Variants in SPATA18 observed in about 807,000 individuals in gnomAD.
SPATA18 encodes the protein mitochondria-eating protein.
Under a neutral mutation model 68.1 loss-of-function variants are expected in SPATA18, and 54 were observed. That is an observed-to-expected ratio of 0.79 (90% CI 0.64 to 0.99). SPATA18 has a LOEUF of 0.99. Ranked by LOEUF, SPATA18 falls within the 50% of genes least tolerant of loss-of-function variation. SPATA18 has a pLI of 0.00. For missense variants in SPATA18, 724 were observed against 681.1 expected, an observed-to-expected ratio of 1.06 and a Z score of -0.70; for synonymous variants, 242 against 244.8, an observed-to-expected ratio of 0.99 and a Z score of 0.11.
chr4:52,055,162 A>G (rs1261862714), intron 1 of SPATA18, among the ~76,000 whole-genome samples: 5 of 152,282 alleles, frequency 3.3e-5, no homozygotes, highest in Middle Eastern at 6.8e-3. Flanking sequence ...TTATGTTAAT[A>G]ATGTTGGTGG....
chr4:52,061,487 AAATAATAAT>A (rs3050629), intron 3 of SPATA18, among the ~76,000 whole-genome samples: 115 of 143,536 alleles, frequency 8.0e-4, no homozygotes, highest in Admixed American at 3.2e-3. Context: ...CCTAAAGTAA[AAATAATAAT>A]AATAATAATA....
At chr4:52,061,012 T>A in intron 3 of SPATA18, 115 bp downstream of exon 3, 1 of 785,694 alleles carries the variant, frequency 1.3e-6, no homozygotes, top group South Asian at 1.7e-5. Context: ...TGTCACAATT[T>A]GTGATGGATA....
intron 1 of SPATA18, among the ~76,000 whole-genome samples, chr4:52,054,023 A>G (rs987482670): frequency 6.6e-6 from 1 of 152,232 alleles, no homozygotes; most frequent in Non-Finnish European, 1.5e-5. Context: ...CCACTCCAGC[A>G]GTACCAGCTT....
At chr4:52,054,887 T>C (rs1738204646) in intron 1 of SPATA18, among the ~76,000 whole-genome samples, 1 of 151,526 alleles carries the variant, frequency 6.6e-6, no homozygotes, top group Non-Finnish European at 1.5e-5. Flanking sequence ...AAAAACCTTT[T>C]GACAATTAGA....
At chr4:52,075,379 T>C (rs1230961167) in intron 6 of SPATA18, among the ~76,000 whole-genome samples, 1 of 152,204 alleles carries the variant, frequency 6.6e-6, no homozygotes, top group East Asian at 1.9e-4. Flanking sequence ...CCAATGGAAC[T>C]GTTTTTGTTT....
At position 52,094,817 on chromosome 4, in the gene SPATA18, G is replaced by T; in HGVS notation, c.1610-63G>T. On this transcript the variant is annotated intron_variant, in intron 12 of 12. Coordinates refer to ENST00000295213, the MANE Select transcript of SPATA18 (RefSeq NM_145263.4). ...TAGATTAACCGCCTCTTTCATTTAG[G>T]TGCTTCCAAAAGAAAATCGAAGAAA... 3.1e-6 allele frequency: 5 copies of T among 1,599,574 alleles called. No homozygotes were observed. In the South Asian group the frequency reaches 3.3e-5, roughly 11 times the overall value.
rs573112297 is a variant in SPATA18 at position 52,068,461 on chromosome 4, G to A, written c.423-1360G>A. ...ATGAGGTAAATGGGAATGGAGTGCC[G>A]AGAAGGGGAAACAAAGTTTTCTTGG... On this transcript the variant is annotated intron_variant, in intron 4 of 12. Transcript: ENST00000295213. Among the ~76,000 whole-genome samples, 7 of 152,316 alleles carry A rather than the reference G, an allele frequency of 4.6e-5. No homozygotes were observed. The South Asian group carries it at 8.3e-4, about 18-fold the overall frequency.
chr4:52,062,186 GTTTTT>G (rs34989037), intron 3 of SPATA18, 29 bp from the exon 4 acceptor site: 733 of 807,534 alleles, frequency 9.1e-4, no homozygotes, highest in South Asian at 1.3e-3. Context: ...TATTCAGACT[GTTTTT>G]TTTTTTTTTT....
intron 10 of SPATA18, among the ~76,000 whole-genome samples, chr4:52,083,660 G>T (rs1452707289): frequency 3.3e-5 from 5 of 151,956 alleles, no homozygotes; most frequent in Non-Finnish European, 7.4e-5. Context: ...AGGGAGGATT[G>T]CTTGAGCTGG....
rs1316112778 is a variant in SPATA18 at position 52,092,217 on chromosome 4, G to A, written c.1564-2310G>A. 2.6e-5 allele frequency among the ~76,000 whole-genome samples: 4 copies of A among 152,052 alleles called. No individual in the cohort carries two copies. In the East Asian group the frequency reaches 5.8e-4, roughly 22 times the overall value. On this transcript the variant is annotated intron_variant, in intron 11 of 12. Transcript: ENST00000295213. Reference sequence around the variant, plus strand: ...TTGCCCCCTTTCCAGGGAAGTGAACGGTTCTGTTTTGCTGGTGTTCCAGGC... The same window carrying A: ...TTGCCCCCTTTCCAGGGAAGTGAACAGTTCTGTTTTGCTGGTGTTCCAGGC...
chr4:52,060,002 A>G lies in SPATA18; in HGVS notation c.88-417A>G, dbSNP rs533195910. Among the ~76,000 whole-genome samples the G allele has an allele frequency of 3.3e-5, 5 of 152,320 alleles. No individual in the cohort carries two copies. The South Asian group carries it at 8.3e-4, about 25-fold the overall frequency. ...TACACACAAACCAACTTTCTCAACC[A>G]TGTGACAATTCAGTGCAAGCATTCA... On this transcript the variant is annotated intron_variant, in intron 1 of 12. Coordinates refer to ENST00000295213, the MANE Select transcript of SPATA18 (RefSeq NM_145263.4).
chr4:52,062,768 AAGCAGG>A (rs562056781), intron 4 of SPATA18, among the ~76,000 whole-genome samples: 2 of 152,336 alleles, frequency 1.3e-5, no homozygotes, highest in South Asian at 4.1e-4. Context: ...AAGTCAAATG[AAGCAGG>A]CTGCATCTAT....
intron 11 of SPATA18, among the ~76,000 whole-genome samples, chr4:52,092,611 C>T (rs1239377752): frequency 1.3e-5 from 2 of 152,182 alleles, no homozygotes; most frequent in South Asian, 2.1e-4. Flanking sequence ...TTGCCTTCTG[C>T]GTTGATCTTG....
At chr4:52,084,828 T>C (rs1233848588) in intron 10 of SPATA18, 88 bp from the exon 11 acceptor site, 16 of 1,280,216 alleles carry the variant, frequency 1.2e-5, no homozygotes, top group Admixed American at 3.5e-5. Flanking sequence ...GTAAAACTCT[T>C]ATTCTGTGGG....
At chr4:52,078,647 T>G in intron 7 of SPATA18, 88 bp from the exon 8 acceptor site, 2 of 1,253,048 alleles carry the variant, frequency 1.6e-6, no homozygotes, top group South Asian at 3.9e-5. Flanking sequence ...AATATGATGT[T>G]GAAGCTCGGA....
Position 52,062,237 on chromosome 4 carries a change from G to C in SPATA18, c.327G>C (p.Glu109Asp), listed in dbSNP as rs773568391. The change falls in exon 4 of 13, where the codon GAG (glutamate) becomes GAC (aspartate). Residue 109 changes from glutamate (E) to aspartate (D), a missense_variant. Physicochemically the swap from Glu to Asp is conservative, Grantham distance 45 (BLOSUM62 2). Transcript: ENST00000295213. ...CTTTCCAGGACACGTTTGATAGGGA[G>C]AGACATAAAGATCCCAGTCCTCGGG... ...VPSLQDTFDR[E>D]RHKDPSPRDR... 1.3e-6 allele frequency: 2 copies of C among 1,586,336 alleles called. No homozygotes were observed. Among genetic ancestry groups the C allele is most frequent in the South Asian group, 1.1e-5 (1 of 88,186 alleles).
chr4:52,076,694 C>T (rs759642476), intron 6 of SPATA18, 85 bp from the exon 7 acceptor site: 5 of 1,563,460 alleles, frequency 3.2e-6, no homozygotes, highest in East Asian at 2.2e-5. Flanking sequence ...TCCGGATGGT[C>T]GGATTCATTG....
chr4:52,089,926 T>C (rs1001832970), intron 11 of SPATA18, among the ~76,000 whole-genome samples: 5 of 152,200 alleles, frequency 3.3e-5, no homozygotes, highest in African/African-American at 1.2e-4. Context: ...ATAAGTCTCT[T>C]TGTAGGTCTC....
rs371355689 is a variant in SPATA18, at chr4:52,085,868, C to A, written c.1563+869C>A. ...GAGGCTGCAGTTAGCCGTGATTGTA[C>A]CACACTGCACTCTAGCCTGGGTGAG... On this transcript the variant is annotated intron_variant, in intron 11 of 12. Coordinates refer to ENST00000295213, the MANE Select transcript of SPATA18 (RefSeq NM_145263.4). Among the ~76,000 whole-genome samples, 10 of 152,148 alleles carry A rather than the reference C, an allele frequency of 6.6e-5. No homozygotes were observed. In the South Asian group the frequency reaches 2.1e-3, roughly 32 times the overall value.
Sources: allele counts gnomAD v4.1 joint callset (sites outside exome capture counted in the v4.1 genomes callset), GRCh38; gene constraint gnomAD v4.1.1; transcripts MANE v1.5; gene names NCBI Gene and HGNC (gene_info 2026-07-23, HGNC 2026-07-21).